The following CLEC16A variants were observed in gnomAD, a reference collection of about 807,000 sequenced individuals.
CLEC16A encodes protein CLEC16A.
Under a neutral mutation model 109.5 loss-of-function variants are expected in CLEC16A, and 51 were observed. The observed-to-expected ratio is 0.47, with a 90% CI of 0.37 to 0.59. CLEC16A has a LOEUF of 0.59. CLEC16A is among the 20% of genes least tolerant of loss of function. The pLI is 0.00. For synonymous variants in CLEC16A, 673 were observed against 564.2 expected, an observed-to-expected ratio of 1.19 and a Z score of -2.73; for missense variants, 1,339 against 1,394.0, an observed-to-expected ratio of 0.96 and a Z score of 0.63.
chr16:10,944,805 T>TG lies in CLEC16A; in HGVS notation c.80+14dup, dbSNP rs748495878. 5.0e-6 allele frequency: 8 copies of TG among 1,600,380 alleles called. No homozygotes were observed. The highest frequency in any genetic ancestry group is 1.7e-4 in the Middle Eastern group (1 of 6,028). On this transcript the variant is annotated intron_variant, in intron 1 of 23. Coordinates refer to ENST00000409790, the MANE Select transcript of CLEC16A (RefSeq NM_015226.3). ...CTCCTTGGACCACCTCAAGTGAGTG[T>TG]GGGGGGCGTAGCGGGAGGCCTCGGG...
chr16:11,049,339 C>T (rs550495508), intron 17 of CLEC16A, among the ~76,000 whole-genome samples: 104 of 152,116 alleles, frequency 6.8e-4, no homozygotes, highest in Non-Finnish European at 1.3e-3. Context: ...GTGGGGGATC[C>T]CTACCTCATA....
At chr16:10,948,669 C>A (rs2041560219) in intron 1 of CLEC16A, among the ~76,000 whole-genome samples, 1 of 152,302 alleles carries the variant, frequency 6.6e-6, no homozygotes, top group East Asian at 1.9e-4. Context: ...GTTCCAGTGA[C>A]AGAAACCCAG....
chr16:11,126,424 T>G (rs1043246982), intron 22 of CLEC16A: 16 of 1,408,372 alleles, frequency 1.1e-5, no homozygotes, highest in Middle Eastern at 2.3e-4. Flanking sequence ...TCTTGGAAAT[T>G]TCTTGGAAAC....
chr16:10,945,319 T>C (rs1368054396), intron 1 of CLEC16A, among the ~76,000 whole-genome samples: 1 of 152,204 alleles, frequency 6.6e-6, no homozygotes, highest in East Asian at 1.9e-4. Context: ...ACACGTACAA[T>C]TGCTCATTAA....
In CLEC16A at chr16:11,179,432, A is replaced by C. The variant is rs2068889778; in HGVS notation, c.*742A>C. 1 of 152,254 alleles carries C rather than the reference A, an allele frequency of 6.6e-6. No individual in the cohort carries two copies. The highest frequency in any genetic ancestry group is 1.5e-5 in the Non-Finnish European group (1 of 68,050). The allele number at this position is 152,254 out of a possible 1,614,324, so 9.4% of individuals were successfully genotyped here. On this transcript the variant is annotated 3_prime_UTR_variant, in exon 24 of 24. Coordinates refer to ENST00000409790, the MANE Select transcript of CLEC16A (RefSeq NM_015226.3). Reference sequence around the variant, plus strand: ...AAACAAAAACAAGGGAGATACATGTATTCTCAGGTACACACAGAGCTGAGA... The same window carrying C: ...AAACAAAAACAAGGGAGATACATGTCTTCTCAGGTACACACAGAGCTGAGA...
intron 22 of CLEC16A, among the ~76,000 whole-genome samples, chr16:11,154,360 GTC>G (rs2054420715): frequency 6.6e-6 from 1 of 152,236 alleles, no homozygotes. Context: ...ATAGTCATGT[GTC>G]TTGAATGCAG....
In CLEC16A at chr16:10,977,221, G is replaced by A; in HGVS notation, c.729-4G>A. The A allele has an allele frequency of 6.2e-7, 1 of 1,612,684 alleles. No individual in the cohort carries two copies. Among genetic ancestry groups the A allele is most frequent in the Non-Finnish European group, 8.5e-7 (1 of 1,179,282 alleles). ...CAGGCTGAGGTGGTCATTTCTCCTG[G>A]CAGGCATCGGAATCGGGGTAAACTG... On this transcript the variant is annotated splice_polypyrimidine_tract_variant and splice_region_variant and intron_variant, in intron 7 of 23. Transcript: ENST00000409790.
chr16:11,119,250 ACCTCGG>A (rs2153021603), intron 19 of CLEC16A, among the ~76,000 whole-genome samples: 1 of 152,232 alleles, frequency 6.6e-6, no homozygotes, highest in Non-Finnish European at 1.5e-5. Flanking sequence ...TGATCTGCCC[ACCTCGG>A]CCTCCCAGAG....
chr16:11,023,504 G>A (rs1269008634), intron 12 of CLEC16A, among the ~76,000 whole-genome samples: 1 of 152,040 alleles, frequency 6.6e-6, no homozygotes, highest in Non-Finnish European at 1.5e-5. Context: ...GGGCTGTGGA[G>A]AAATGGGGAT....
chr16:10,984,915 G>A (rs1221435895), intron 10 of CLEC16A, among the ~76,000 whole-genome samples: 1 of 152,074 alleles, frequency 6.6e-6, no homozygotes, highest in Admixed American at 6.6e-5. Flanking sequence ...AAAATATAAA[G>A]TGCCCGCTGG....
intron 23 of CLEC16A, among the ~76,000 whole-genome samples, chr16:11,175,372 T>G (rs2068705100): frequency 6.6e-6 from 1 of 152,206 alleles, no homozygotes; most frequent in African/African-American, 2.4e-5. Context: ...GTCAGACTTT[T>G]CTCCAAATCC....
At chr16:11,090,101 A>G (rs558954646) in intron 19 of CLEC16A, among the ~76,000 whole-genome samples, 2 of 152,216 alleles carry the variant, frequency 1.3e-5, no homozygotes, top group Admixed American at 6.5e-5. Context: ...GTTCTCCACC[A>G]AACACTCCAT....
chr16:10,967,482 C>G (rs2042568583), intron 3 of CLEC16A, among the ~76,000 whole-genome samples: 1 of 152,190 alleles, frequency 6.6e-6, no homozygotes, highest in Non-Finnish European at 1.5e-5. Context: ...TCACTGCAGC[C>G]TTGAACTCCT....
intron 10 of CLEC16A, among the ~76,000 whole-genome samples, chr16:10,999,146 C>T (rs867217207): frequency 5.9e-5 from 9 of 152,082 alleles, no homozygotes; most frequent in African/African-American, 1.7e-4. Flanking sequence ...TGTGTGGCCC[C>T]GGCTGGTCTT....
chr16:11,024,063 C>T (rs577523627), intron 12 of CLEC16A: 31 of 152,354 alleles, frequency 2.0e-4, no homozygotes, highest in African/African-American at 6.7e-4. Flanking sequence ...ATCGATTCTT[C>T]GCAGTCAGAG....
rs1350337017 is a variant in CLEC16A at position 11,180,759 on chromosome 16, T to C, written c.*2069T>C. On this transcript the variant is annotated 3_prime_UTR_variant, in exon 24 of 24. Transcript: ENST00000409790. Reference sequence around the variant, plus strand: ...GAGGAACAGCCTGCAGCTCACTCCATGCCACACGGGTGGGCCACCAGCCTG... The same window carrying C: ...GAGGAACAGCCTGCAGCTCACTCCACGCCACACGGGTGGGCCACCAGCCTG... The C allele has an allele frequency of 1.3e-5, 2 of 152,322 alleles. No homozygotes were observed. Among genetic ancestry groups the C allele is most frequent in the Non-Finnish European group, 2.9e-5 (2 of 68,126 alleles). 9.4% of individuals were successfully genotyped at this position (152,322 alleles called of 1,614,324 possible). A position where few individuals can be genotyped will look rare whatever the true frequency, so the allele number is the denominator to read the frequency against.
intron 7 of CLEC16A, 25 bp downstream of exon 7, chr16:10,973,086 C>G (rs199587749): frequency 1.9e-6 from 3 of 1,584,142 alleles, no homozygotes; most frequent in Non-Finnish European, 2.6e-6. Context: ...CAGGGCCACT[C>G]AGTAGATAGA....
At chr16:11,100,632 C>G (rs1434069968) in intron 19 of CLEC16A, among the ~76,000 whole-genome samples, 1 of 152,198 alleles carries the variant, frequency 6.6e-6, no homozygotes, top group African/African-American at 2.4e-5. Flanking sequence ...GCAGCACAAC[C>G]TCAAGTCAGT....
At chr16:11,155,484 C>G (rs1025983971) in intron 22 of CLEC16A, among the ~76,000 whole-genome samples, 1 of 152,254 alleles carries the variant, frequency 6.6e-6, no homozygotes, top group African/African-American at 2.4e-5. Flanking sequence ...GTCCAGCCGT[C>G]CGGTTAGCCA....
Sources: allele counts gnomAD v4.1 joint callset (sites outside exome capture counted in the v4.1 genomes callset), GRCh38; gene constraint gnomAD v4.1.1; transcripts MANE v1.5; gene names NCBI Gene and HGNC (gene_info 2026-07-23, HGNC 2026-07-21).